The following TCEA1 variants were observed in gnomAD, a reference collection of about 807,000 sequenced individuals.
TCEA1 encodes the protein transcription elongation factor A protein 1.
In TCEA1, 21 loss-of-function variants were observed where a neutral mutation model predicts 43.8. That is an observed-to-expected ratio of 0.48 (90% CI 0.34 to 0.69). TCEA1 has a LOEUF of 0.69. Among genes scored for constraint, TCEA1 ranks in the 30% least tolerant of loss-of-function variants. The probability of loss-of-function intolerance (pLI) is 0.01; values close to 1 mark genes in which losing one functional copy is unlikely to be tolerated. For synonymous variants in TCEA1, 104 were observed against 117.5 expected, an observed-to-expected ratio of 0.88 and a Z score of 0.75; for missense variants, 250 against 365.1, an observed-to-expected ratio of 0.68 and a Z score of 2.57.
At chr8:53,984,289 CTA>C (rs1375780431) in intron 7 of TCEA1, 72 bp downstream of exon 7, 1 of 1,364,488 alleles carries the variant, frequency 7.3e-7, no homozygotes, top group Non-Finnish European at 9.8e-7. Flanking sequence ...ATATAGTAGT[CTA>C]TGATGATAAT....
rs548967331 is a variant in TCEA1, at chr8:54,003,990, A to G, written c.127-3940T>C. On this transcript the variant is annotated intron_variant, in intron 2 of 9. Transcript: ENST00000521604. ...AAACGGGCAAAGGATCTGGATAGAC[A>G]TTTCTCCGAATAAGATATAAAAATA... is the stretch of plus-strand genomic sequence containing the variant. Among the ~76,000 whole-genome samples, 22 of 152,314 alleles carry G rather than the reference A, an allele frequency of 1.4e-4. No individual in the cohort carries two copies. The South Asian group carries it at 2.7e-3, about 19-fold the overall frequency.
At chr8:53,996,385 C>T (rs938625971) in intron 3 of TCEA1, among the ~76,000 whole-genome samples, 4 of 152,230 alleles carry the variant, frequency 2.6e-5, no homozygotes. Context: ...CGCTCAGTGC[C>T]TCAGATTCCT....
In TCEA1 at chr8:53,986,979, T is replaced by C. The variant is rs777495194; in HGVS notation, c.513A>G (p.Gln171=). The part of the protein sequence containing the change: ...IGADEEELGS[Q]IEEAIYQEIR... ...ACACACAAAGGATATCTTCTTCAATTTGAGATCCTAATTCTTCCTCATCAG... is the reference window on the plus strand; with the variant it reads ...ACACACAAAGGATATCTTCTTCAATCTGAGATCCTAATTCTTCCTCATCAG... Residue 171 remains glutamine, a synonymous_variant, in exon 6 of 10, where the codon CAA becomes CAG. Transcript: ENST00000521604. 12 of 1,596,220 alleles carry C rather than the reference T, an allele frequency of 7.5e-6. No individual in the cohort carries two copies. The highest frequency in any genetic ancestry group is 6.9e-5 in the South Asian group (6 of 87,266).
intron 2 of TCEA1, among the ~76,000 whole-genome samples, chr8:54,000,308 T>C (rs1804216938): frequency 6.6e-6 from 1 of 152,136 alleles, no homozygotes; most frequent in African/African-American, 2.4e-5. Flanking sequence ...ACTAGAAAAA[T>C]GCAATCAATC....
chr8:53,985,751 G>A (rs550913847), intron 6 of TCEA1, among the ~76,000 whole-genome samples: 6 of 152,176 alleles, frequency 3.9e-5, no homozygotes, highest in African/African-American at 9.6e-5. Context: ...GCCCTTTCCC[G>A]GTGCTTAGCA....
intron 8 of TCEA1, chr8:53,972,950 T>C (rs1056971041): frequency 4.5e-6 from 3 of 661,132 alleles, no homozygotes; most frequent in East Asian, 2.9e-5. Flanking sequence ...TAAATATATA[T>C]CATATCTGCT....
At chr8:54,010,185 T>G (rs866089039) in intron 2 of TCEA1, 18 of 377,802 alleles carry the variant, frequency 4.8e-5, no homozygotes, top group Middle Eastern at 7.8e-4. Context: ...CCTCTCACAG[T>G]GAGATTTCAC....
rs1308239808 is a variant in TCEA1, at chr8:53,967,885, T to C, written c.*219A>G. 3.1e-5 allele frequency: 13 copies of C among 418,824 alleles called. No homozygotes were observed. The highest frequency in any genetic ancestry group is 8.1e-5 in the Admixed American group (2 of 24,814). The allele number at this position is 418,824 out of a possible 1,614,324, so 25.9% of individuals were successfully genotyped here. ...AACTTACTTATAAAAACAGAAAAAA[T>C]ATGTTTTGAAACAGGTACCATAAAA... On this transcript the variant is annotated 3_prime_UTR_variant, in exon 10 of 10. Transcript: ENST00000521604.
chr8:53,988,719 C>T (rs1234440133), intron 4 of TCEA1, among the ~76,000 whole-genome samples: 1 of 152,008 alleles, frequency 6.6e-6, no homozygotes, highest in Non-Finnish European at 1.5e-5. Flanking sequence ...CAGGTTCACA[C>T]CAGAGAATGA....
intron 7 of TCEA1, 29 bp downstream of exon 7, chr8:53,984,334 A>G: frequency 3.2e-6 from 5 of 1,565,974 alleles, no homozygotes; most frequent in Non-Finnish European, 4.3e-6. Flanking sequence ...GAATCACATT[A>G]TAGAAACCTC....
chr8:53,974,978 T>G (rs1331990047), intron 8 of TCEA1, among the ~76,000 whole-genome samples: 1 of 152,144 alleles, frequency 6.6e-6, no homozygotes, highest in African/African-American at 2.4e-5. Flanking sequence ...TTTAAATAGC[T>G]ATTAAAATAA....
chr8:54,014,302 T>A (rs1804751185), intron 1 of TCEA1, among the ~76,000 whole-genome samples: 1 of 152,072 alleles, frequency 6.6e-6, no homozygotes, highest in Admixed American at 6.6e-5. Context: ...TCCCCAAGCA[T>A]CACCTAGCTC....
chr8:53,993,652 C>A lies in TCEA1; in HGVS notation c.320+16G>T. ...TATGACTTTCAATATAAATATATGT[C>A]TATACTGTGAAGTACCTTTCTTCTC... On this transcript the variant is annotated intron_variant, in intron 4 of 9. Coordinates refer to ENST00000521604, the MANE Select transcript of TCEA1 (RefSeq NM_006756.4). 6.3e-7 allele frequency: 1 copy of A among 1,595,574 alleles called. No homozygotes were observed. Among genetic ancestry groups the A allele is most frequent in the Non-Finnish European group, 8.6e-7 (1 of 1,166,652 alleles).
intron 9 of TCEA1, 95 bp downstream of exon 9, chr8:53,970,297 T>C (rs756157602): frequency 2.8e-5 from 23 of 832,894 alleles, no homozygotes; most frequent in Admixed American, 5.3e-5. Flanking sequence ...AGCATATCTG[T>C]ATATATTTAG....
rs376439262 is a variant in TCEA1 at position 54,021,981 on chromosome 8, G to A, written c.63+82C>T. 171 of 1,301,010 alleles carry A rather than the reference G, an allele frequency of 1.3e-4. 1 individual carries two copies. The East Asian group carries it at 4.7e-3, about 36-fold the overall frequency. The allele number at this position is 1,301,010 out of a possible 1,614,324, so 80.6% of individuals were successfully genotyped here. ...ACGGGAGGCTGCAGGGGGAGGGGAG[G>A]GAGAAGGAGGGAGGGGGCGGCCCCC... On this transcript the variant is annotated intron_variant, in intron 1 of 9. Coordinates refer to ENST00000521604, the MANE Select transcript of TCEA1 (RefSeq NM_006756.4).
In TCEA1 at chr8:53,999,822, C is replaced by G; in HGVS notation, c.232+123G>C. The G allele has an allele frequency of 7.1e-6, 5 of 702,848 alleles. No homozygotes were observed. In the South Asian group the frequency reaches 9.9e-5, roughly 14 times the overall value. The allele number at this position is 702,848 out of a possible 1,614,324, so 43.5% of individuals were successfully genotyped here. ...CCCTCGCCTTTATTACGAGGCACTG[C>G]TTTCAGTATATCTAGATTCACTAAG... On this transcript the variant is annotated intron_variant, in intron 3 of 9. Transcript: ENST00000521604.
intron 4 of TCEA1, 135 bp from the exon 5 acceptor site, chr8:53,988,394 GA>G (rs1005965846): frequency 3.6e-5 from 38 of 1,057,324 alleles, no homozygotes; most frequent in South Asian, 5.6e-5. Context: ...TTATGTGATG[GA>G]AAAAAAATTG....
chr8:53,974,910 G>A (rs1176669456), intron 8 of TCEA1, among the ~76,000 whole-genome samples: 1 of 151,886 alleles, frequency 6.6e-6, no homozygotes, highest in Non-Finnish European at 1.5e-5. Context: ...AAAGGTTAGG[G>A]ATAATTTGAA....
Position 54,008,172 on chromosome 8 carries a change from C to CAAAA in TCEA1, c.126+2254_126+2257dup, listed in dbSNP as rs777634895. Among the ~76,000 whole-genome samples, 13 of 42,334 alleles carry CAAAA rather than the reference C, an allele frequency of 3.1e-4. 1 individual carries two copies. The highest frequency in any genetic ancestry group is 6.0e-4 in the African/African-American group (6 of 9,964). The allele number at this position is 42,334 out of a possible 152,430, so 27.8% of individuals were successfully genotyped here. A position where few individuals can be genotyped will look rare whatever the true frequency, so the allele number is the denominator to read the frequency against. On this transcript the variant is annotated intron_variant, in intron 2 of 9. Transcript: ENST00000521604. ...TGGGCCACAGAGTGAAACTGTGTCT[C>CAAAA]AAAAAAAAAAAAAAAAAAAAAAAAG... is the stretch of plus-strand genomic sequence containing the variant.
Sources: gnomAD v4.1 joint callset for allele counts (sites outside exome capture counted in the v4.1 genomes callset) on GRCh38, gnomAD v4.1.1 for gene constraint, MANE v1.5 for transcripts, NCBI Gene and HGNC (gene_info 2026-07-23, HGNC 2026-07-21) for gene names.